LOC128092252: variants seen among roughly 807,000 people sequenced by gnomAD.
At chr15:50,672,206 A>T in the LOC128092252 span, among the ~76,000 whole-genome samples, 1 of 152,044 alleles carries the variant, frequency 6.6e-6, no homozygotes, top group African/African-American at 2.4e-5. Flanking sequence ...GGCAACCACC[A>T]CCACACCCAG....
chr15:50,675,914 G>A, the LOC128092252 span, among the ~76,000 whole-genome samples: 3 of 152,184 alleles, frequency 2.0e-5, no homozygotes, highest in African/African-American at 7.2e-5. Flanking sequence ...TCCCAGCTCT[G>A]CTGTTTACTA....
At chr15:50,654,684 A>C in the LOC128092252 span, among the ~76,000 whole-genome samples, 12 of 151,344 alleles carry the variant, frequency 7.9e-5, no homozygotes, top group African/African-American at 2.9e-4. Flanking sequence ...AGCACTGAAA[A>C]ATGTAATGTA....
chr15:50,662,923 C>T, the LOC128092252 span: 2 of 1,383,930 alleles, frequency 1.4e-6, no homozygotes, highest in Non-Finnish European at 2.0e-6. Context: ...ATAATTTACA[C>T]TAAAATTTCT....
the LOC128092252 span, among the ~76,000 whole-genome samples, chr15:50,651,235 A>T: frequency 6.8e-6 from 1 of 147,260 alleles, no homozygotes; most frequent in Admixed American, 7.3e-5. Context: ...GCATGCAAAG[A>T]AGCAGAAAAC....
chr15:50,685,534 G>A, the LOC128092252 span, among the ~76,000 whole-genome samples: 1 of 152,210 alleles, frequency 6.6e-6, no homozygotes, highest in East Asian at 1.9e-4. Context: ...CTACATTTGT[G>A]TTATAAGTAA....
chr15:50,682,303 C>T, the LOC128092252 span, among the ~76,000 whole-genome samples: 5 of 151,374 alleles, frequency 3.3e-5, no homozygotes, highest in South Asian at 4.2e-4. Context: ...AAAACCCCTA[C>T]GTGGACAGAA....
chr15:50,649,978 T>C, the LOC128092252 span, among the ~76,000 whole-genome samples: 1 of 151,956 alleles, frequency 6.6e-6, no homozygotes, highest in Non-Finnish European at 1.5e-5. Context: ...GCAGATTACC[T>C]GAGGTCAGGA....
the LOC128092252 span, among the ~76,000 whole-genome samples, chr15:50,667,774 T>C: frequency 6.6e-6 from 1 of 152,224 alleles, no homozygotes; most frequent in Non-Finnish European, 1.5e-5. Context: ...TATAAGGTTT[T>C]ATTAAGAACT....
chr15:50,665,341 C>A, the LOC128092252 span, among the ~76,000 whole-genome samples: 1 of 151,172 alleles, frequency 6.6e-6, no homozygotes. Flanking sequence ...TTGCAGTGAG[C>A]CAAGATCATG....
the LOC128092252 span, chr15:50,686,570 C>T: frequency 6.2e-7 from 1 of 1,608,750 alleles, no homozygotes; most frequent in Non-Finnish European, 8.5e-7. Flanking sequence ...GGCAGCAACT[C>T]CACCTCCTCC....
At chr15:50,668,141 A>G in the LOC128092252 span, among the ~76,000 whole-genome samples, 1 of 152,210 alleles carries the variant, frequency 6.6e-6, no homozygotes, top group Non-Finnish European at 1.5e-5. Context: ...GTTTATAATC[A>G]GCTATAGGAC....
the LOC128092252 span, among the ~76,000 whole-genome samples, chr15:50,667,185 G>A: frequency 6.6e-6 from 1 of 152,128 alleles, no homozygotes. Context: ...TGCATGTCTG[G>A]ATCAGAGAAA....
At chr15:50,679,520 ATATATATATATATATATATTTT>A in the LOC128092252 span, among the ~76,000 whole-genome samples, 166 of 18,758 alleles carry the variant, frequency 8.8e-3, 5 homozygotes, top group African/African-American at 0.021. Context: ...TAATATATAT[ATATATATATATATATATATTTT>A]TTTTTTTTTT....
the LOC128092252 span, among the ~76,000 whole-genome samples, chr15:50,671,723 T>C: frequency 6.6e-6 from 1 of 151,896 alleles, no homozygotes; most frequent in Non-Finnish European, 1.5e-5. Flanking sequence ...GGTGGGAGGA[T>C]CATTTGAGCC....
chr15:50,681,450 G>C, the LOC128092252 span, among the ~76,000 whole-genome samples: 1 of 152,092 alleles, frequency 6.6e-6, no homozygotes, highest in Non-Finnish European at 1.5e-5. Flanking sequence ...TATAGTAAAG[G>C]CTAATGTATA....
the LOC128092252 span, among the ~76,000 whole-genome samples, chr15:50,674,113 G>A: frequency 6.6e-6 from 1 of 152,068 alleles, no homozygotes; most frequent in African/African-American, 2.4e-5. Flanking sequence ...CTCAGCCTCT[G>A]GAGTAGCTGA....
chr15:50,663,299 T>C, the LOC128092252 span, among the ~76,000 whole-genome samples: 1 of 152,208 alleles, frequency 6.6e-6, no homozygotes, highest in Non-Finnish European at 1.5e-5. Flanking sequence ...CAGATAATTT[T>C]GTATTTTTTT....
At chr15:50,682,173 C>CAAAAAAAAAAAAAAAAAAAAAAAAAA in the LOC128092252 span, among the ~76,000 whole-genome samples, 3 of 63,684 alleles carry the variant, frequency 4.7e-5, no homozygotes, top group Non-Finnish European at 8.4e-5. Context: ...AACTCAGTCT[C>CAAAAAAAAAAAAAAAAAAAAAAAAAA]AAAAAAAAAA....
At chr15:50,664,000 A>G in the LOC128092252 span, among the ~76,000 whole-genome samples, 2 of 151,900 alleles carry the variant, frequency 1.3e-5, no homozygotes, top group Non-Finnish European at 2.9e-5. Context: ...AAAAAAGACA[A>G]TTAGAATTGA....
Sources: gnomAD v4.1 joint callset for allele counts (sites outside exome capture counted in the v4.1 genomes callset) on GRCh38, gnomAD v4.1.1 for gene constraint, MANE v1.5 for transcripts.